Variants in PDXDC1 observed in about 807,000 individuals in gnomAD.
The protein encoded by PDXDC1 is pyridoxal-dependent decarboxylase domain-containing protein 1.
PDXDC1 carries 42 observed loss-of-function variants against 100.1 expected under a neutral mutation model. That is an observed-to-expected ratio of 0.42 (90% CI 0.33 to 0.54). The LOEUF is 0.54. PDXDC1 is among the 20% of genes least tolerant of loss of function. The probability of loss-of-function intolerance (pLI) is 0.10; values close to 1 mark genes in which losing one functional copy is unlikely to be tolerated. For missense variants in PDXDC1, 636 were observed against 979.2 expected (o/e 0.65, Z 4.68); for synonymous variants, 260 against 371.7 (o/e 0.70, Z 3.46).
At chr16:15,059,847 C>T (rs1036746275) in intron 16 of PDXDC1, among the ~76,000 whole-genome samples, 2 of 152,046 alleles carry the variant, frequency 1.3e-5, no homozygotes, top group East Asian at 3.8e-4. Context: ...AGGAGAGTCG[C>T]GGATACTTCA....
intron 8 of PDXDC1, 112 bp downstream of exon 8, chr16:15,009,871 T>C: frequency 6.3e-7 from 1 of 1,575,618 alleles, no homozygotes; most frequent in Admixed American, 1.9e-5. Context: ...ATGTTTAAGA[T>C]AGTCCATATC....
At chr16:15,141,741 A>G (rs1262851150), downstream of PDXDC1, among the ~76,000 whole-genome samples, 6 of 152,118 alleles carry the variant, frequency 3.9e-5, no homozygotes, top group African/African-American at 1.4e-4. Context: ...AGGCATCCAC[A>G]CCATCCCCGC....
intron 16 of PDXDC1, among the ~76,000 whole-genome samples, chr16:15,043,710 G>C (rs1225077781): frequency 1.3e-5 from 2 of 152,160 alleles, no homozygotes; most frequent in Non-Finnish European, 2.9e-5. Flanking sequence ...AGCACTTTAA[G>C]AGGCCGAGGC....
chr16:15,007,916 T>G (rs901126379), intron 6 of PDXDC1, among the ~76,000 whole-genome samples: 5 of 152,284 alleles, frequency 3.3e-5, no homozygotes, highest in Admixed American at 3.3e-4. Context: ...TTTTTTAAAG[T>G]GTGTGTATCC....
At chr16:15,087,924 A>G (rs1382398644) in intron 16 of PDXDC1, among the ~76,000 whole-genome samples, 1 of 151,928 alleles carries the variant, frequency 6.6e-6, no homozygotes, top group African/African-American at 2.4e-5. Flanking sequence ...AGATGAGCCT[A>G]ACCAACATGG....
At chr16:15,143,407 C>T (rs985219333), downstream of PDXDC1, among the ~76,000 whole-genome samples, 4 of 152,326 alleles carry the variant, frequency 2.6e-5, no homozygotes, top group East Asian at 3.9e-4. Context: ...GGCAGCAGGG[C>T]CAGCCTGCCG....
rs71374759 is a variant in PDXDC1 at position 14,989,002 on chromosome 16, C to A, written c.22-8751C>A. On this transcript the variant is annotated intron_variant, in intron 1 of 22. Coordinates refer to ENST00000396410, the MANE Select transcript of PDXDC1 (RefSeq NM_015027.4). The stretch of plus-strand genomic sequence containing the variant: ...TAGTTGAGCGTCGACTCCATCTGGT[C>A]TCGCTCCCTGTGGCTCAGGGAGGGG... 5.6e-6 allele frequency: 9 copies of A among 1,614,014 alleles called. No individual in the cohort carries two copies. The East Asian group carries it at 2.0e-4, about 36-fold the overall frequency.
At chr16:15,106,463 A>T in intron 16 of PDXDC1, 1 of 1,214,458 alleles carries the variant, frequency 8.2e-7, no homozygotes, top group Non-Finnish European at 1.2e-6. Context: ...TGGCTGTAAG[A>T]GTACAGTCTG....
Position 14,975,211 on chromosome 16 carries a change from C to T in PDXDC1, c.12C>T (p.Ser4=). 4 of 1,430,374 alleles carry T rather than the reference C, an allele frequency of 2.8e-6. No individual in the cohort carries two copies. The South Asian group carries it at 4.7e-5, about 17-fold the overall frequency. The allele number at this position is 1,430,374 out of a possible 1,614,324, so 88.6% of individuals were successfully genotyped here. A position where few individuals can be genotyped will look rare whatever the true frequency, so the allele number is the denominator to read the frequency against. MDA[S]LEKIADPTLA... ...CGGCCGCCTCAGCCATGGACGCGTC[C>T]CTGGAGAAGGTCCGTGCCGGGAGGG... is the stretch of plus-strand genomic sequence containing the variant. Residue 4 remains serine, a synonymous_variant, in exon 1 of 23, where the codon TCC becomes TCT. Transcript: ENST00000396410.
intron 16 of PDXDC1, chr16:15,109,052 C>T (rs1441614982): frequency 8.0e-6 from 1 of 125,494 alleles, no homozygotes; most frequent in East Asian, 2.2e-4. Context: ...CCCTGACCAT[C>T]CCCCAGAAGT....
chr16:15,080,697 T>C (rs1428075670), intron 16 of PDXDC1, among the ~76,000 whole-genome samples: 2 of 152,214 alleles, frequency 1.3e-5, no homozygotes, highest in Non-Finnish European at 2.9e-5. Flanking sequence ...GCTGTGATTA[T>C]GGGCATAAGC....
At chr16:15,149,631 C>A in the PDXDC1 span, among the ~76,000 whole-genome samples, 1 of 152,236 alleles carries the variant, frequency 6.6e-6, no homozygotes, top group East Asian at 1.9e-4. Context: ...TTCAGGGATG[C>A]AGGTGGGAAA....
chr16:15,102,381 C>G (rs1035433330), intron 16 of PDXDC1, among the ~76,000 whole-genome samples: 1 of 152,040 alleles, frequency 6.6e-6, no homozygotes, highest in Non-Finnish European at 1.5e-5. Context: ...GGATGACCTC[C>G]GGAGGCAGGG....
At chr16:15,143,169 G>T, downstream of PDXDC1, among the ~76,000 whole-genome samples, 1 of 152,176 alleles carries the variant, frequency 6.6e-6, no homozygotes, top group East Asian at 1.9e-4. Flanking sequence ...AAGGCAGGAG[G>T]AGTTAGGACC....
Position 15,036,994 on chromosome 16 carries a change from A to G in PDXDC1, c.*719A>G, listed in dbSNP as rs1381892355. ...CTGGCAAAGCTTTTAAAATTGGCAC[A>G]CAAGTACAGACTGTGCTCATTTCTG... On this transcript the variant is annotated 3_prime_UTR_variant, in exon 23 of 23. Transcript: ENST00000396410. 1 of 152,428 alleles carries G rather than the reference A, an allele frequency of 6.6e-6. No individual in the cohort carries two copies. Among genetic ancestry groups the G allele is most frequent in the East Asian group, 1.9e-4 (1 of 5,202 alleles). 9.4% of individuals were successfully genotyped at this position (152,428 alleles called of 1,614,324 possible). A position where few individuals can be genotyped will look rare whatever the true frequency, so the allele number is the denominator to read the frequency against.
chr16:15,019,551 C>T (rs2042024003), intron 12 of PDXDC1, among the ~76,000 whole-genome samples: 1 of 152,276 alleles, frequency 6.6e-6, no homozygotes, highest in African/African-American at 2.4e-5. Flanking sequence ...TTATTGCTTA[C>T]AGTTCTGGAC....
intron 16 of PDXDC1, among the ~76,000 whole-genome samples, chr16:15,103,564 T>C (rs1459855703): frequency 4.0e-5 from 6 of 151,522 alleles, no homozygotes; most frequent in African/African-American, 1.2e-4. Flanking sequence ...AGTGTGCTGA[T>C]GTGATCTCGG....
Position 15,036,162 on chromosome 16 carries a change from C to T in PDXDC1, c.2254C>T (p.His752Tyr), listed in dbSNP as rs201616688. Residue 752 changes from histidine to tyrosine, a missense_variant, in exon 23 of 23, where the codon CAC (histidine) becomes TAC (tyrosine). His to Tyr is a moderately conservative substitution (Grantham distance 83). This residue lies in a region of PDXDC1 where 452 missense variants were observed against 402.9 expected (regional missense o/e 1.12). Coordinates refer to ENST00000396410, the MANE Select transcript of PDXDC1 (RefSeq NM_015027.4). Reference protein sequence around the residue: ...ITLEASSTEGHPGAPSPQHTD... With the variant: ...ITLEASSTEGYPGAPSPQHTD... ...CCTCGAGGCCAGCAGCACTGAGGGA[C>T]ACCCAGGGGCTCCCAGCCCTCAGCA... 3 of 1,614,168 alleles carry T rather than the reference C, an allele frequency of 1.9e-6. No individual in the cohort carries two copies. Among genetic ancestry groups the T allele is most frequent in the African/African-American group, 2.7e-5 (2 of 75,056 alleles).
At chr16:15,096,977 T>C (rs2046380018) in intron 16 of PDXDC1, among the ~76,000 whole-genome samples, 1 of 152,200 alleles carries the variant, frequency 6.6e-6, no homozygotes, top group Non-Finnish European at 1.5e-5. Flanking sequence ...AAAAAAAGTC[T>C]GAGTCTGGGT....
Sources: gnomAD v4.1 joint callset for allele counts (sites outside exome capture counted in the v4.1 genomes callset) on GRCh38, gnomAD v4.1.1 for gene constraint, gnomAD v4.1.1 regional missense constraint, MANE v1.5 for transcripts, NCBI Gene and HGNC (gene_info 2026-07-23, HGNC 2026-07-21) for gene names.